CNTNAP2: variants seen among roughly 807,000 people sequenced by gnomAD.
The protein encoded by CNTNAP2 is contactin associated protein 2.
In CNTNAP2, 98 loss-of-function variants were observed where a neutral mutation model predicts 155.2. That is an observed-to-expected ratio of 0.63 (90% CI 0.54 to 0.75). The LOEUF is 0.75. Among genes scored for constraint, CNTNAP2 ranks in the 30% least tolerant of loss-of-function variants. The pLI is 0.00. For missense variants in CNTNAP2, 1,727 were observed against 1,688.1 expected (o/e 1.02, Z -0.40); for synonymous variants, 651 against 631.2 (o/e 1.03, Z -0.47).
intron 3 of CNTNAP2, among the ~76,000 whole-genome samples, chr7:146,996,554 T>C (rs1798311399): frequency 6.6e-6 from 1 of 152,152 alleles, no homozygotes; most frequent in Admixed American, 6.6e-5. Context: ...GATTTTTGTG[T>C]TAATTTTTAT....
intron 1 of CNTNAP2, among the ~76,000 whole-genome samples, chr7:146,670,145 A>T (rs954699141): frequency 5.3e-5 from 8 of 152,198 alleles, no homozygotes; most frequent in African/African-American, 1.9e-4. Context: ...GAAGAACCAG[A>T]TACTACTAGG....
chr7:147,168,081 A>ATATG (rs1481698575), intron 8 of CNTNAP2, among the ~76,000 whole-genome samples: 1 of 148,770 alleles, frequency 6.7e-6, no homozygotes, highest in Non-Finnish European at 1.5e-5. Context: ...ATTTATACAT[A>ATATG]TATATGACAC....
At chr7:147,318,560 C>T (rs1052197085) in intron 9 of CNTNAP2, among the ~76,000 whole-genome samples, 4 of 152,000 alleles carry the variant, frequency 2.6e-5, no homozygotes, top group Non-Finnish European at 4.4e-5. Context: ...CTGGAAAACA[C>T]AGGAACAGAA....
chr7:148,297,305 G>A (rs1797304953), intron 21 of CNTNAP2, among the ~76,000 whole-genome samples: 1 of 152,190 alleles, frequency 6.6e-6, no homozygotes, highest in Non-Finnish European at 1.5e-5. Context: ...GACAGCTAGA[G>A]ACACAAAGGG....
chr7:146,697,245 TTA>T (rs976760875), intron 1 of CNTNAP2, among the ~76,000 whole-genome samples: 1 of 144,942 alleles, frequency 6.9e-6, no homozygotes, highest in Non-Finnish European at 1.5e-5. Context: ...ATTTATTTAT[TTA>T]TTTATTTTGA....
intron 1 of CNTNAP2, among the ~76,000 whole-genome samples, chr7:146,283,671 C>T (rs560077151): frequency 1.3e-5 from 2 of 152,142 alleles, no homozygotes; most frequent in African/African-American, 4.8e-5. Flanking sequence ...AAACTTAAAC[C>T]TATTTTTAAA....
chr7:147,381,470 A>G (rs1263547229), intron 9 of CNTNAP2, among the ~76,000 whole-genome samples: 14 of 152,170 alleles, frequency 9.2e-5, no homozygotes, highest in African/African-American at 3.1e-4. Context: ...CAGTTTGTGG[A>G]TATAAGGAAT....
At chr7:147,240,578 G>A (rs1306705533) in intron 8 of CNTNAP2, among the ~76,000 whole-genome samples, 1 of 152,188 alleles carries the variant, frequency 6.6e-6, no homozygotes, top group African/African-American at 2.4e-5. Context: ...TGACTCAGCT[G>A]TCTATCTCCA....
intron 1 of CNTNAP2, among the ~76,000 whole-genome samples, chr7:146,695,600 T>A (rs1563192209): frequency 6.6e-6 from 1 of 151,500 alleles, no homozygotes; most frequent in Admixed American, 6.6e-5. Context: ...GTTTTTCATA[T>A]TTTTTTTGTA....
intron 8 of CNTNAP2, among the ~76,000 whole-genome samples, chr7:147,256,283 AGT>A (rs1284397046): frequency 6.6e-6 from 1 of 152,134 alleles, no homozygotes; most frequent in East Asian, 1.9e-4. Context: ...CGATTCCCAG[AGT>A]GAGAGAGAAA....
intron 1 of CNTNAP2, among the ~76,000 whole-genome samples, chr7:146,415,493 C>T (rs1418158681): frequency 1.3e-5 from 2 of 152,060 alleles, no homozygotes; most frequent in South Asian, 2.1e-4. Flanking sequence ...ACTGTATTGG[C>T]TTTTATTGCC....
chr7:147,687,630 G>A (rs184568048), intron 13 of CNTNAP2, among the ~76,000 whole-genome samples: 8 of 152,210 alleles, frequency 5.3e-5, no homozygotes, highest in Admixed American at 4.6e-4. Flanking sequence ...ATTTGACCAT[G>A]GGTAGGAGGA....
intron 13 of CNTNAP2, among the ~76,000 whole-genome samples, chr7:147,724,373 G>A (rs777096205): frequency 6.6e-6 from 1 of 151,974 alleles, no homozygotes; most frequent in Admixed American, 6.6e-5. Context: ...ACTGTGATCT[G>A]GTAAATTGAG....
At chr7:147,582,725 T>C (rs1004681746) in intron 12 of CNTNAP2, among the ~76,000 whole-genome samples, 25 of 152,160 alleles carry the variant, frequency 1.6e-4, no homozygotes, top group African/African-American at 5.8e-4. Flanking sequence ...TTGTGTCAGC[T>C]TCTTTTCCTA....
At chr7:148,236,462 T>G (rs1004186067) in intron 20 of CNTNAP2, among the ~76,000 whole-genome samples, 6 of 152,232 alleles carry the variant, frequency 3.9e-5, no homozygotes, top group African/African-American at 1.4e-4. Context: ...TATTGGGAAC[T>G]GGTCAATTCT....
At chr7:146,121,674 TA>T (rs1450454754) in intron 1 of CNTNAP2, among the ~76,000 whole-genome samples, 1 of 152,162 alleles carries the variant, frequency 6.6e-6, no homozygotes, top group Non-Finnish European at 1.5e-5. Flanking sequence ...TTGTGTGAAA[TA>T]AAATAAATTT....
intron 13 of CNTNAP2, among the ~76,000 whole-genome samples, chr7:147,758,902 C>A (rs1797257694): frequency 6.6e-6 from 1 of 152,054 alleles, no homozygotes; most frequent in South Asian, 2.1e-4. Flanking sequence ...CAGCCATGGG[C>A]ATTTGCTTCA....
intron 11 of CNTNAP2, among the ~76,000 whole-genome samples, chr7:147,552,002 T>A (rs1244498822): frequency 1.3e-5 from 2 of 152,176 alleles, no homozygotes; most frequent in East Asian, 1.9e-4. Flanking sequence ...GAATATCCCA[T>A]CAAATTCCTC....
At chr7:146,525,139 A>G (rs945830152) in intron 1 of CNTNAP2, among the ~76,000 whole-genome samples, 1 of 152,112 alleles carries the variant, frequency 6.6e-6, no homozygotes, top group Non-Finnish European at 1.5e-5. Context: ...TAGGTAGATT[A>G]TAATTTTATT....
Sources: gnomAD v4.1 joint callset for allele counts (sites outside exome capture counted in the v4.1 genomes callset) on GRCh38, gnomAD v4.1.1 for gene constraint, MANE v1.5 for transcripts, NCBI Gene and HGNC (gene_info 2026-07-23, HGNC 2026-07-21) for gene names.